Variants in HACD2 observed in about 807,000 individuals in gnomAD.
The protein encoded by HACD2 is very-long-chain (3R)-3-hydroxyacyl-CoA dehydratase 2.
A neutral mutation model predicts 31.0 loss-of-function variants in HACD2; 15 were observed. The ratio of observed to expected loss-of-function variants is 0.48; its 90% CI spans 0.32 to 0.75. The LOEUF is 0.75. HACD2 is among the 30% of genes least tolerant of loss of function. The probability of loss-of-function intolerance (pLI) is 0.03; values close to 1 mark genes in which losing one functional copy is unlikely to be tolerated. For synonymous variants in HACD2, 115 were observed against 122.2 expected (o/e 0.94, Z 0.39); for missense variants, 283 against 313.0 (o/e 0.90, Z 0.72).
chr3:123,514,805 A>G (rs551372174), intron 4 of HACD2, among the ~76,000 whole-genome samples: 1 of 152,364 alleles, frequency 6.6e-6, no homozygotes, highest in East Asian at 1.9e-4. Context: ...TGATTAAGAT[A>G]ATGATAGTTC....
At chr3:123,531,361 C>T (rs917601482) in intron 3 of HACD2, among the ~76,000 whole-genome samples, 1 of 152,046 alleles carries the variant, frequency 6.6e-6, no homozygotes, top group African/African-American at 2.4e-5. Flanking sequence ...GTTCTATCGC[C>T]CAGGCTGGAA....
chr3:123,562,178 AG>A (rs1163889781), intron 3 of HACD2, among the ~76,000 whole-genome samples: 2 of 152,218 alleles, frequency 1.3e-5, no homozygotes, highest in African/African-American at 4.8e-5. Context: ...TGCAAATCTT[AG>A]ATTGAGGGCT....
intron 4 of HACD2, among the ~76,000 whole-genome samples, chr3:123,523,830 C>T (rs1412468747): frequency 6.6e-6 from 1 of 152,218 alleles, no homozygotes; most frequent in East Asian, 1.9e-4. Context: ...AGCAACTCCA[C>T]CCCAGTGTGA....
chr3:123,501,250 T>C (rs894917383), intron 5 of HACD2, among the ~76,000 whole-genome samples: 1 of 152,244 alleles, frequency 6.6e-6, no homozygotes, highest in African/African-American at 2.4e-5. Context: ...CATAATAGCT[T>C]TTGGTTACTA....
intron 1 of HACD2, chr3:123,584,523 G>C (rs897108479): frequency 4.8e-6 from 1 of 208,036 alleles, no homozygotes; most frequent in East Asian, 1.1e-4. Context: ...TGGCCGCCCA[G>C]GACGGGCTCC....
rs774294413 is a variant in HACD2 at position 123,564,374 on chromosome 3, T to G, written c.292+3388A>C. On this transcript the variant is annotated intron_variant, in intron 3 of 6. Transcript: ENST00000383657. ...TAAGACAGAACTCCAGAAACACTCA[T>G]GATTAAGGGACAAGGAAAGAAAGAA... is the stretch of plus-strand genomic sequence containing the variant. Among the ~76,000 whole-genome samples, 134 of 152,048 alleles carry G rather than the reference T, an allele frequency of 8.8e-4. 2 individuals are homozygous for G. Among genetic ancestry groups the G allele is most frequent in the Non-Finnish European group, 2.5e-4 (17 of 68,004 alleles).
intron 4 of HACD2, 68 bp from the exon 5 acceptor site, chr3:123,502,749 C>T (rs1177893744): frequency 4.0e-6 from 6 of 1,511,354 alleles, no homozygotes; most frequent in African/African-American, 1.4e-5. Context: ...TGTGCAGCAC[C>T]CGGCAGAGCC....
chr3:123,526,397 T>C (rs2056284124), intron 4 of HACD2, among the ~76,000 whole-genome samples: 1 of 152,052 alleles, frequency 6.6e-6, no homozygotes. Flanking sequence ...CAATTACAAG[T>C]GAAAAGAGTA....
intron 2 of HACD2, among the ~76,000 whole-genome samples, chr3:123,577,846 A>G (rs820442): frequency 0.38 from 57,743 of 152,038 alleles, 16,461 homozygotes; most frequent in African/African-American, 0.78. Context: ...AACACCCACA[A>G]CTCATTACAG....
intron 3 of HACD2, among the ~76,000 whole-genome samples, chr3:123,541,545 T>C (rs182820889): frequency 6.6e-6 from 1 of 152,198 alleles, no homozygotes; most frequent in Non-Finnish European, 1.5e-5. Flanking sequence ...AGATTCTCTA[T>C]GTAAGAGAGC....
At chr3:123,557,866 T>C (rs1261629910) in intron 3 of HACD2, among the ~76,000 whole-genome samples, 2 of 152,256 alleles carry the variant, frequency 1.3e-5, no homozygotes, top group Non-Finnish European at 2.9e-5. Context: ...GAAGACTGTT[T>C]GGCAGATTCT....
At chr3:123,574,303 T>A (rs1559935661) in intron 2 of HACD2, among the ~76,000 whole-genome samples, 1 of 152,252 alleles carries the variant, frequency 6.6e-6, no homozygotes, top group Non-Finnish European at 1.5e-5. Flanking sequence ...CTGCTTTTCT[T>A]GACACTTGGT....
At chr3:123,555,420 T>C (rs2107735393) in intron 3 of HACD2, among the ~76,000 whole-genome samples, 1 of 152,146 alleles carries the variant, frequency 6.6e-6, no homozygotes, top group South Asian at 2.1e-4. Flanking sequence ...AAGATCAATA[T>C]ATGAAGGTCA....
intron 1 of HACD2, 76 bp downstream of exon 1, chr3:123,584,797 T>C: frequency 8.2e-7 from 1 of 1,221,228 alleles, no homozygotes; most frequent in Non-Finnish European, 1.1e-6. Flanking sequence ...GCGCCGATCC[T>C]ATCCGCCCCG....
At chr3:123,529,046 C>A (rs1473281637) in intron 3 of HACD2, among the ~76,000 whole-genome samples, 1 of 151,566 alleles carries the variant, frequency 6.6e-6, no homozygotes, top group Non-Finnish European at 1.5e-5. Flanking sequence ...CAAGCCCTGG[C>A]ACAATTATCC....
chr3:123,521,600 CAA>C (rs550514768), intron 4 of HACD2, among the ~76,000 whole-genome samples: 50 of 118,284 alleles, frequency 4.2e-4, no homozygotes, highest in Non-Finnish European at 5.3e-4. Flanking sequence ...GTGAGAGAGC[CAA>C]AAAAAAAAAA....
At chr3:123,511,756 C>T (rs2056066013) in intron 4 of HACD2, among the ~76,000 whole-genome samples, 1 of 152,174 alleles carries the variant, frequency 6.6e-6, no homozygotes, top group Non-Finnish European at 1.5e-5. Context: ...AATCTTCTTC[C>T]CTGAGTCTTG....
In HACD2 at chr3:123,570,749, G is replaced by A. The variant is rs188884239; in HGVS notation, c.274-2969C>T. Among the ~76,000 whole-genome samples, 1,212 of 152,214 alleles carry A rather than the reference G, an allele frequency of 8.0e-3. 5 individuals carry two copies. Among genetic ancestry groups the A allele is most frequent in the Non-Finnish European group, 0.014 (948 of 68,016 alleles). On this transcript the variant is annotated intron_variant, in intron 2 of 6. Transcript: ENST00000383657. The stretch of plus-strand genomic sequence containing the variant: ...CGGTCTGTAAAAAGACCTTGAAAAC[G>A]TATTCTTTAAATGGTGCAACAAGGA...
intron 2 of HACD2, among the ~76,000 whole-genome samples, chr3:123,568,127 T>G (rs2056812065): frequency 6.6e-6 from 1 of 152,216 alleles, no homozygotes; most frequent in African/African-American, 2.4e-5. Flanking sequence ...TCCCATATGC[T>G]ATAGAACAGA....
Sources: allele counts gnomAD v4.1 joint callset (sites outside exome capture counted in the v4.1 genomes callset), GRCh38; gene constraint gnomAD v4.1.1; transcripts MANE v1.5; gene names NCBI Gene and HGNC (gene_info 2026-07-23, HGNC 2026-07-21).